The following CTNNA3 variants were observed in gnomAD, a reference collection of about 807,000 sequenced individuals.
The protein encoded by CTNNA3 is catenin alpha 3.
In CTNNA3, 76 loss-of-function variants were observed where a neutral mutation model predicts 95.7. The observed-to-expected ratio is 0.79, with a 90% CI of 0.66 to 0.96. The LOEUF is 0.96. Among genes scored for constraint, CTNNA3 ranks in the 40% least tolerant of loss-of-function variants. CTNNA3 has a pLI of 0.00. For missense variants in CTNNA3, 1,191 were observed against 1,089.8 expected, an observed-to-expected ratio of 1.09 and a Z score of -1.31; for synonymous variants, 431 against 374.4, an observed-to-expected ratio of 1.15 and a Z score of -1.74.
intron 7 of CTNNA3, among the ~76,000 whole-genome samples, chr10:66,991,159 G>A (rs933882201): frequency 2.6e-5 from 4 of 152,116 alleles, no homozygotes; most frequent in African/African-American, 7.2e-5. Context: ...GCACTTTGGA[G>A]TTTTTCCAAC....
intron 5 of CTNNA3, among the ~76,000 whole-genome samples, chr10:67,329,240 G>A (rs1274335647): frequency 6.6e-6 from 1 of 152,162 alleles, no homozygotes; most frequent in Non-Finnish European, 1.5e-5. Flanking sequence ...GCATAGTGAT[G>A]CATGCCTGTA....
intron 1 of CTNNA3, among the ~76,000 whole-genome samples, chr10:67,737,829 T>C (rs1841311350): frequency 6.6e-6 from 1 of 152,180 alleles, no homozygotes; most frequent in African/African-American, 2.4e-5. Context: ...AGTTCAACCA[T>C]TGTGGAAGAC....
chr10:66,770,316 C>T (rs4617476), intron 8 of CTNNA3, among the ~76,000 whole-genome samples: 129,205 of 152,028 alleles, frequency 0.85, 55,199 homozygotes, highest in East Asian at 1. Flanking sequence ...TTTATTTCCG[C>T]ATTATTTTCC....
chr10:66,365,515 AC>A (rs2092705150), intron 12 of CTNNA3, among the ~76,000 whole-genome samples: 1 of 152,110 alleles, frequency 6.6e-6, no homozygotes, highest in Non-Finnish European at 1.5e-5. Context: ...TGCACATGTA[AC>A]CCAGAACTTA....
chr10:67,434,262 T>C (rs1846221789), intron 5 of CTNNA3, among the ~76,000 whole-genome samples: 9 of 152,012 alleles, frequency 5.9e-5, no homozygotes, highest in Admixed American at 5.3e-4. Flanking sequence ...CAACTCTCCA[T>C]CTCAATGTCC....
intron 5 of CTNNA3, among the ~76,000 whole-genome samples, chr10:67,489,095 T>A (rs16924522): frequency 0.17 from 25,743 of 152,090 alleles, 3,461 homozygotes; most frequent in East Asian, 0.35. Flanking sequence ...TCAGTACAGC[T>A]AGTATCACAT....
intron 9 of CTNNA3, among the ~76,000 whole-genome samples, chr10:66,727,657 A>T (rs1848822240): frequency 6.6e-6 from 1 of 152,148 alleles, no homozygotes; most frequent in Non-Finnish European, 1.5e-5. Context: ...CACAGCTAAA[A>T]ACAGAAGTTT....
chr10:67,046,480 G>A (rs951034671), intron 7 of CTNNA3, among the ~76,000 whole-genome samples: 1 of 152,122 alleles, frequency 6.6e-6, no homozygotes, highest in Non-Finnish European at 1.5e-5. Context: ...ACATTGCCAC[G>A]ATATCTTCCT....
At chr10:67,090,513 C>G (rs1336255859) in intron 7 of CTNNA3, among the ~76,000 whole-genome samples, 1 of 152,042 alleles carries the variant, frequency 6.6e-6, no homozygotes, top group Non-Finnish European at 1.5e-5. Flanking sequence ...AGATAAGCAA[C>G]AAAATGTAGT....
intron 7 of CTNNA3, among the ~76,000 whole-genome samples, chr10:67,074,099 C>A: frequency 7.0e-6 from 1 of 142,246 alleles, no homozygotes; most frequent in Non-Finnish European, 1.5e-5. Context: ...GCAGTGGCGC[C>A]ATCTTGGCTC....
At chr10:67,355,784 C>G (rs568461273) in intron 5 of CTNNA3, among the ~76,000 whole-genome samples, 1 of 152,106 alleles carries the variant, frequency 6.6e-6, no homozygotes, top group South Asian at 2.1e-4. Flanking sequence ...GATTACTTCA[C>G]CTTTATCCCA....
intron 10 of CTNNA3, among the ~76,000 whole-genome samples, chr10:66,592,161 A>G (rs1247598791): frequency 6.6e-6 from 1 of 151,998 alleles, no homozygotes; most frequent in Non-Finnish European, 1.5e-5. Context: ...TTCCTCCTGA[A>G]TTTACATTAA....
intron 5 of CTNNA3, among the ~76,000 whole-genome samples, chr10:67,266,624 T>G (rs76287205): frequency 6.6e-6 from 1 of 152,198 alleles, no homozygotes; most frequent in Non-Finnish European, 1.5e-5. Context: ...CCACAGTGAG[T>G]AACTATCATG....
At chr10:66,331,443 T>TC (rs1237708448) in intron 12 of CTNNA3, among the ~76,000 whole-genome samples, 6 of 129,436 alleles carry the variant, frequency 4.6e-5, no homozygotes, top group African/African-American at 1.7e-4. Flanking sequence ...AAGCTCCGCC[T>TC]CCCGGGTTCA....
intron 15 of CTNNA3, among the ~76,000 whole-genome samples, chr10:66,000,365 A>G (rs2078747315): frequency 6.6e-6 from 1 of 152,178 alleles, no homozygotes; most frequent in African/African-American, 2.4e-5. Flanking sequence ...AGGTGATCAG[A>G]AACAGGTCAA....
chr10:67,552,484 A>G (rs1300457346), intron 3 of CTNNA3, among the ~76,000 whole-genome samples: 2 of 149,824 alleles, frequency 1.3e-5, no homozygotes, highest in Non-Finnish European at 3.0e-5. Flanking sequence ...GTTTGTCTCC[A>G]CATCCAGCCA....
At chr10:66,882,476 A>G (rs1589373546) in intron 7 of CTNNA3, among the ~76,000 whole-genome samples, 1 of 152,104 alleles carries the variant, frequency 6.6e-6, no homozygotes, top group African/African-American at 2.4e-5. Context: ...TGCTATGTGC[A>G]CCATTGCCAA....
At position 67,136,164 on chromosome 10, in the gene CTNNA3, T is replaced by G. The variant is rs144296288; in HGVS notation, c.1047+44153A>C. Among the ~76,000 whole-genome samples, 295 of 152,230 alleles carry G rather than the reference T, an allele frequency of 1.9e-3. 2 individuals carry two copies. The highest frequency in any genetic ancestry group is 6.8e-3 in the African/African-American group (283 of 41,578). ...TGGTTATCTGTTCATCTGGGTTTTTTTGTTTGGTTGGTTTTTTTACCAGTC... is the reference window on the plus strand; with the variant it reads ...TGGTTATCTGTTCATCTGGGTTTTTGTGTTTGGTTGGTTTTTTTACCAGTC... On this transcript the variant is annotated intron_variant, in intron 7 of 17. Transcript: ENST00000433211.
chr10:67,491,433 T>C (rs1347290791), intron 5 of CTNNA3, among the ~76,000 whole-genome samples: 1 of 152,050 alleles, frequency 6.6e-6, no homozygotes, highest in Non-Finnish European at 1.5e-5. Flanking sequence ...ATACAGGAAA[T>C]CCTTTCGAAA....
Sources: allele counts gnomAD v4.1 joint callset (sites outside exome capture counted in the v4.1 genomes callset), GRCh38; gene constraint gnomAD v4.1.1; transcripts MANE v1.5; gene names NCBI Gene and HGNC (gene_info 2026-07-23, HGNC 2026-07-21).